Variants in DDR2 observed in about 807,000 individuals in gnomAD.
DDR2 encodes discoidin domain-containing receptor 2.
Under a neutral mutation model 94.9 loss-of-function variants are expected in DDR2, and 27 were observed. That is an observed-to-expected ratio of 0.28 (90% confidence interval 0.21 to 0.39). The LOEUF (loss-of-function observed/expected upper bound fraction) is 0.39, where lower values mean the gene tolerates loss of function less well. Among genes scored for constraint, DDR2 ranks in the 10% least tolerant of loss-of-function variants. DDR2 has a pLI of 1.00. For synonymous variants in DDR2, 382 were observed against 377.2 expected (o/e 1.01, Z -0.15); for missense variants, 783 against 1,076.0 (o/e 0.73, Z 3.81).
intron 1 of DDR2, among the ~76,000 whole-genome samples, chr1:162,641,996 G>A (rs1657153107): frequency 6.6e-6 from 1 of 152,108 alleles, no homozygotes. Context: ...TGTCGCCCAG[G>A]CTAGAGTGCA....
At position 162,698,237 on chromosome 1, in the gene DDR2, C is replaced by T. The variant is rs538631267; in HGVS notation, c.-27-20800C>T. Among the ~76,000 whole-genome samples, 25 of 152,270 alleles carry T rather than the reference C, an allele frequency of 1.6e-4. No homozygotes were observed. The South Asian group carries it at 4.8e-3, about 29-fold the overall frequency. The stretch of plus-strand genomic sequence containing the variant: ...ACAAATGGCAATGCTCTGTGGGATA[C>T]TGCGTCCAAGCAGAACAGTCAAGGG... On this transcript the variant is annotated intron_variant, in intron 2 of 17. Transcript: ENST00000367921.
intron 2 of DDR2, among the ~76,000 whole-genome samples, chr1:162,666,034 T>C (rs1316488101): frequency 6.6e-6 from 1 of 152,154 alleles, no homozygotes; most frequent in Non-Finnish European, 1.5e-5. Context: ...CATATGTCCA[T>C]GTTGGACAAA....
chr1:162,719,726 T>C (rs1340876943), intron 3 of DDR2, among the ~76,000 whole-genome samples: 1 of 152,220 alleles, frequency 6.6e-6, no homozygotes, highest in Non-Finnish European at 1.5e-5. Flanking sequence ...TATTATTTAT[T>C]ACACAATAAT....
intron 3 of DDR2, among the ~76,000 whole-genome samples, chr1:162,723,276 G>A (rs1661502102): frequency 6.6e-6 from 1 of 152,186 alleles, no homozygotes; most frequent in African/African-American, 2.4e-5. Context: ...GAGAGAGCCA[G>A]CGGGGCTATG....
chr1:162,673,072 T>C (rs1206816563), intron 2 of DDR2, among the ~76,000 whole-genome samples: 1 of 152,240 alleles, frequency 6.6e-6, no homozygotes, highest in Non-Finnish European at 1.5e-5. Flanking sequence ...TAATTGCCCA[T>C]TTTAGTTCTG....
chr1:162,645,955 T>C (rs1657386152), intron 1 of DDR2, among the ~76,000 whole-genome samples: 5 of 152,194 alleles, frequency 3.3e-5, no homozygotes, highest in African/African-American at 1.2e-4. Context: ...TGTGTTAGTA[T>C]GTAAAAAGCC....
chr1:162,666,741 A>T (rs1438909379), intron 2 of DDR2, among the ~76,000 whole-genome samples: 1 of 152,080 alleles, frequency 6.6e-6, no homozygotes, highest in African/African-American at 2.4e-5. Context: ...AGTTGTACTA[A>T]CCTCAAATCT....
chr1:162,632,277 T>C (rs920702181), upstream of DDR2, among the ~76,000 whole-genome samples: 12 of 152,322 alleles, frequency 7.9e-5, no homozygotes, highest in African/African-American at 2.9e-4. Context: ...GGTTTTGCTG[T>C]AAATTATAGC....
chr1:162,768,551 C>T (rs567968173), intron 11 of DDR2, among the ~76,000 whole-genome samples: 2 of 152,204 alleles, frequency 1.3e-5, no homozygotes, highest in African/African-American at 4.8e-5. Context: ...GAAAGGGCAC[C>T]ATGAGAATGG....
chr1:162,641,060 T>C (rs972178005), intron 1 of DDR2, among the ~76,000 whole-genome samples: 1 of 152,140 alleles, frequency 6.6e-6, no homozygotes, highest in African/African-American at 2.4e-5. Flanking sequence ...CCACCCTCAT[T>C]GAGCTGTTTT....
At chr1:162,769,424 A>G (rs1223669680) in intron 11 of DDR2, among the ~76,000 whole-genome samples, 2 of 152,198 alleles carry the variant, frequency 1.3e-5, no homozygotes, top group East Asian at 3.8e-4. Context: ...TGGTGTCCTC[A>G]ACATTCCTTC....
intron 7 of DDR2, among the ~76,000 whole-genome samples, chr1:162,759,381 C>G (rs908574886): frequency 1.3e-5 from 2 of 152,078 alleles, no homozygotes; most frequent in Non-Finnish European, 2.9e-5. Context: ...TGGTAGCATT[C>G]ATTCTATGCA....
intron 9 of DDR2, among the ~76,000 whole-genome samples, chr1:162,765,110 A>G (rs531080421): frequency 1.3e-5 from 2 of 152,266 alleles, no homozygotes; most frequent in South Asian, 4.1e-4. Context: ...TGGGGGACAA[A>G]TAGATTCCCA....
At chr1:162,673,427 T>A (rs138448680) in intron 2 of DDR2, among the ~76,000 whole-genome samples, 1 of 152,086 alleles carries the variant, frequency 6.6e-6, no homozygotes, top group Admixed American at 6.5e-5. Context: ...GCTTAATGAG[T>A]CATGGGAGAG....
intron 3 of DDR2, among the ~76,000 whole-genome samples, chr1:162,735,739 G>A (rs555773154): frequency 1.3e-5 from 2 of 152,260 alleles, no homozygotes; most frequent in African/African-American, 4.8e-5. Context: ...AAATATAAAG[G>A]GTTTCTATGC....
chr1:162,701,141 C>T (rs1388731830), intron 2 of DDR2, among the ~76,000 whole-genome samples: 2 of 151,290 alleles, frequency 1.3e-5, no homozygotes, highest in South Asian at 4.2e-4. Context: ...TTATAGCTGA[C>T]CGTAGTAGAT....
chr1:162,725,562 A>G (rs1661621631), intron 3 of DDR2, among the ~76,000 whole-genome samples: 1 of 151,954 alleles, frequency 6.6e-6, no homozygotes. Flanking sequence ...TACTTTTTGT[A>G]GAGAAGGGGT....
chr1:162,785,068 A>G lies in DDR2; in HGVS notation c.*4822A>G, dbSNP rs919452234. 6.6e-6 allele frequency: 1 copy of G among 152,206 alleles called. No individual in the cohort carries two copies. The highest frequency in any genetic ancestry group is 1.5e-5 in the Non-Finnish European group (1 of 68,034). The allele number at this position is 152,206 out of a possible 1,614,324, so 9.4% of individuals were successfully genotyped here. A position where few individuals can be genotyped will look rare whatever the true frequency, so the allele number is the denominator to read the frequency against. ...TTGTCATGAGCAATACCCTGCCTAC[A>G]CTGCTTCTAAATTTTCTGATTTGTT... is the stretch of plus-strand genomic sequence containing the variant. On this transcript the variant is annotated 3_prime_UTR_variant, in exon 18 of 18. Coordinates refer to ENST00000367921, the MANE Select transcript of DDR2 (RefSeq NM_006182.4).
At chr1:162,677,458 A>G (rs1478380603) in intron 2 of DDR2, among the ~76,000 whole-genome samples, 1 of 152,200 alleles carries the variant, frequency 6.6e-6, no homozygotes, top group African/African-American at 2.4e-5. Context: ...ACTCATGGAT[A>G]AATCAGTTGA....
Sources: allele counts gnomAD v4.1 joint callset (sites outside exome capture counted in the v4.1 genomes callset), GRCh38; gene constraint gnomAD v4.1.1; transcripts MANE v1.5; gene names NCBI Gene and HGNC (gene_info 2026-07-23, HGNC 2026-07-21).